The following DPH6 variants were observed in gnomAD, a reference collection of about 807,000 sequenced individuals.
The protein encoded by DPH6 is diphthine--ammonia ligase.
Under a neutral mutation model 38.2 loss-of-function variants are expected in DPH6, and 33 were observed. That is an observed-to-expected ratio of 0.86 (90% CI 0.65 to 1.15). The LOEUF is 1.15. Among genes scored for constraint, DPH6 ranks in the 50% most tolerant of loss-of-function variants. The pLI, the probability that DPH6 is intolerant of heterozygous loss-of-function variation, is 0.00. For missense variants in DPH6, 325 were observed against 320.0 expected, an observed-to-expected ratio of 1.02 and a Z score of -0.12; for synonymous variants, 108 against 103.0, an observed-to-expected ratio of 1.05 and a Z score of -0.30.
chr15:35,473,941 TGTGTGTGTGTGTGTGTGCGC>T (rs769794066), intron 3 of DPH6, among the ~76,000 whole-genome samples: 1 of 86,338 alleles, frequency 1.2e-5, no homozygotes, highest in Admixed American at 1.4e-4. Flanking sequence ...TGTGTGTGTG[TGTGTGTGTGTGTGTGTGCGC>T]GCGCGCGCGT....
intron 3 of DPH6, among the ~76,000 whole-genome samples, chr15:35,244,059 T>G (rs1032276404): frequency 2.6e-5 from 4 of 152,196 alleles, no homozygotes; most frequent in African/African-American, 7.2e-5. Flanking sequence ...TAATAAAAGC[T>G]CTGAAGAATA....
At chr15:35,146,265 C>T in the DPH6 span, among the ~76,000 whole-genome samples, 1 of 152,164 alleles carries the variant, frequency 6.6e-6, no homozygotes, top group African/African-American at 2.4e-5. Context: ...CTGCAATAAT[C>T]TTTCAATTGC....
At chr15:35,308,476 G>C (rs1393915272) in intron 3 of DPH6, among the ~76,000 whole-genome samples, 4 of 152,052 alleles carry the variant, frequency 2.6e-5, no homozygotes, top group Admixed American at 6.6e-5. Flanking sequence ...GGTATGGTGA[G>C]GGGTGGGGAA....
chr15:35,456,493 TTA>T (rs1421086974), intron 3 of DPH6, among the ~76,000 whole-genome samples: 3 of 148,186 alleles, frequency 2.0e-5, no homozygotes, highest in African/African-American at 4.9e-5. Flanking sequence ...TTATTTATTA[TTA>T]TTTTTTTTTT....
At chr15:35,279,038 G>T (rs1375079687) in intron 3 of DPH6, among the ~76,000 whole-genome samples, 8 of 98,452 alleles carry the variant, frequency 8.1e-5, no homozygotes, top group Non-Finnish European at 1.3e-4. Flanking sequence ...GACAGAGTGA[G>T]ACTCTGTCTC....
chr15:35,455,538 GAA>G, intron 3 of DPH6, among the ~76,000 whole-genome samples: 1 of 152,178 alleles, frequency 6.6e-6, no homozygotes, highest in African/African-American at 2.4e-5. Flanking sequence ...GGATTAAAAA[GAA>G]AACAAAACAA....
At chr15:35,210,708 T>C in the DPH6 span, among the ~76,000 whole-genome samples, 22 of 152,248 alleles carry the variant, frequency 1.4e-4, no homozygotes, top group African/African-American at 5.3e-4. Flanking sequence ...ACACAGATCT[T>C]ACTAGGATAT....
intron 3 of DPH6, among the ~76,000 whole-genome samples, chr15:35,351,191 A>G (rs1238434014): frequency 6.6e-6 from 1 of 152,060 alleles, no homozygotes; most frequent in Non-Finnish European, 1.5e-5. Flanking sequence ...TTTTTGACTT[A>G]AAGTTTATTT....
rs551492420 is a variant in DPH6, at chr15:35,263,934, C to T, written n.201-43352G>A. ...TTCACCGTGTTAGCCAGGATGGTCT[C>T]GATCTCCTGACCTCGTGATCTGCCC... On this transcript the variant is annotated intron_variant and non_coding_transcript_variant, in intron 3 of 3. Coordinates refer to the DPH6 transcript ENST00000560386. Among the ~76,000 whole-genome samples, 15 of 152,112 alleles carry T rather than the reference C, an allele frequency of 9.9e-5. No individual in the cohort carries two copies. The South Asian group carries it at 2.9e-3, about 29-fold the overall frequency.
At chr15:35,352,366 G>C (rs1035810048) in intron 3 of DPH6, among the ~76,000 whole-genome samples, 56 of 152,108 alleles carry the variant, frequency 3.7e-4, no homozygotes, top group Middle Eastern at 3.4e-3. Flanking sequence ...TGCCATGTTG[G>C]TGTGCTGCAC....
chr15:35,208,441 A>T, the DPH6 span, among the ~76,000 whole-genome samples: 1 of 152,208 alleles, frequency 6.6e-6, no homozygotes, highest in African/African-American at 2.4e-5. Context: ...TCAAATTAAG[A>T]GGCAGCTAGA....
intron 6 of DPH6, among the ~76,000 whole-genome samples, chr15:35,391,055 C>T (rs2053048842): frequency 6.6e-6 from 1 of 152,192 alleles, no homozygotes; most frequent in African/African-American, 2.4e-5. Context: ...AGTTTTCCTT[C>T]TAACAGTCAG....
At chr15:35,513,989 A>C (rs1165304973) in intron 3 of DPH6, among the ~76,000 whole-genome samples, 1 of 152,068 alleles carries the variant, frequency 6.6e-6, no homozygotes, top group Non-Finnish European at 1.5e-5. Context: ...TTGACTGATC[A>C]ATTGATTCTA....
chr15:35,502,945 T>C (rs771926747), intron 3 of DPH6, among the ~76,000 whole-genome samples: 15 of 147,926 alleles, frequency 1.0e-4, no homozygotes, highest in Non-Finnish European at 2.1e-4. Context: ...AATATATATA[T>C]ACACACACAC....
chr15:35,212,076 C>T, the DPH6 span, among the ~76,000 whole-genome samples: 2 of 152,210 alleles, frequency 1.3e-5, no homozygotes, highest in East Asian at 3.9e-4. Flanking sequence ...GAAATATGGA[C>T]GAAGATAGCA....
At chr15:35,146,567 T>C in the DPH6 span, among the ~76,000 whole-genome samples, 1 of 152,182 alleles carries the variant, frequency 6.6e-6, no homozygotes, top group Non-Finnish European at 1.5e-5. Context: ...TATAGTTCTT[T>C]TAAACATTTT....
intron 3 of DPH6, among the ~76,000 whole-genome samples, chr15:35,236,212 A>G (rs2051549854): frequency 6.6e-6 from 1 of 152,260 alleles, no homozygotes; most frequent in Admixed American, 6.5e-5. Flanking sequence ...AAGTAGTCAA[A>G]AAGTAAGAAG....
chr15:35,416,614 C>G (rs932427159), intron 5 of DPH6, among the ~76,000 whole-genome samples: 1 of 152,050 alleles, frequency 6.6e-6, no homozygotes, highest in Non-Finnish European at 1.5e-5. Flanking sequence ...ACATGTTCCA[C>G]TGTACTTGAT....
the DPH6 span, among the ~76,000 whole-genome samples, chr15:35,201,371 A>T: frequency 6.6e-6 from 1 of 151,874 alleles, no homozygotes; most frequent in Non-Finnish European, 1.5e-5. Flanking sequence ...GTAGTACCAT[A>T]CCACTCTAAA....
Sources: allele counts gnomAD v4.1 joint callset (sites outside exome capture counted in the v4.1 genomes callset), GRCh38; gene constraint gnomAD v4.1.1; transcripts MANE v1.5; gene names NCBI Gene and HGNC (gene_info 2026-07-23, HGNC 2026-07-21).